Variants in CKAP2L observed in about 807,000 individuals in gnomAD.
CKAP2L encodes the protein cytoskeleton associated protein 2L.
In CKAP2L, 42 loss-of-function variants were observed where a neutral mutation model predicts 65.7. The observed-to-expected ratio is 0.64, with a 90% CI of 0.50 to 0.83. The LOEUF is 0.83. Among genes scored for constraint, CKAP2L ranks in the 40% least tolerant of loss-of-function variants. CKAP2L has a pLI of 0.00. For missense variants in CKAP2L, 908 were observed against 871.0 expected, an observed-to-expected ratio of 1.04 and a Z score of -0.53; for synonymous variants, 325 against 313.5, an observed-to-expected ratio of 1.04 and a Z score of -0.39.
chr2:112,738,962 T>G lies in CKAP2L; in HGVS notation c.2099A>C (p.Tyr700Ser), dbSNP rs1679625110. ...SSRIERAVSR[Y>S]PEMLQEHDLV... ...ATCGTGTTCCTGCAGCATTTCTGGGTAGCGGGACACTGCTCGCTCAATCCT... is the reference window on the plus strand; with the variant it reads ...ATCGTGTTCCTGCAGCATTTCTGGGGAGCGGGACACTGCTCGCTCAATCCT... The change falls in exon 9 of 9, where the codon TAC (tyrosine) becomes TCC (serine). Residue 700 changes from tyrosine to serine, a missense_variant. Tyr to Ser is a moderately radical substitution (Grantham distance 144, BLOSUM62 -2). Transcript: ENST00000302450. The G allele has an allele frequency of 6.2e-7, 1 of 1,614,094 alleles. No homozygotes were observed.
At chr2:112,751,388 G>C (rs921140940) in intron 5 of CKAP2L, among the ~76,000 whole-genome samples, 1 of 152,168 alleles carries the variant, frequency 6.6e-6, no homozygotes, top group Non-Finnish European at 1.5e-5. Context: ...ATGAATGACT[G>C]GCAATGGTGG....
At chr2:112,754,205 G>GCC (rs968295733) in intron 4 of CKAP2L, among the ~76,000 whole-genome samples, 20 of 151,996 alleles carry the variant, frequency 1.3e-4, no homozygotes, top group Admixed American at 1.2e-3. Flanking sequence ...CACCCCTAAC[G>GCC]CCCCCCTCCT....
intron 3 of CKAP2L, 118 bp from the exon 4 acceptor site, chr2:112,757,332 G>A: frequency 1.6e-6 from 1 of 628,698 alleles, no homozygotes; most frequent in South Asian, 2.6e-5. Context: ...TTTCATCTAA[G>A]AAAGTTGAAT....
Position 112,738,758 on chromosome 2 carries a change from G to T in CKAP2L, c.*65C>A. The T allele has an allele frequency of 2.7e-6, 3 of 1,104,238 alleles. No homozygotes were observed. Among genetic ancestry groups the T allele is most frequent in the Non-Finnish European group, 4.1e-6 (3 of 734,288 alleles). The allele number at this position is 1,104,238 out of a possible 1,614,324, so 68.4% of individuals were successfully genotyped here. On this transcript the variant is annotated 3_prime_UTR_variant, in exon 9 of 9. Coordinates refer to ENST00000302450, the MANE Select transcript of CKAP2L (RefSeq NM_152515.5). Reference sequence around the variant, plus strand: ...GCCTCTCTTTTTTTCCAGGTCACTTGGACAAGAATATTTCTTGTCTTATGT... The same window carrying T: ...GCCTCTCTTTTTTTCCAGGTCACTTTGACAAGAATATTTCTTGTCTTATGT...
At chr2:112,751,142 T>C (rs2104875401) in intron 5 of CKAP2L, among the ~76,000 whole-genome samples, 1 of 152,320 alleles carries the variant, frequency 6.6e-6, no homozygotes, top group African/African-American at 2.4e-5. Context: ...CAAGTTTTTA[T>C]CAAACCTTCA....
At chr2:112,751,974 T>G (rs560500310) in intron 5 of CKAP2L, among the ~76,000 whole-genome samples, 2 of 152,340 alleles carry the variant, frequency 1.3e-5, no homozygotes, top group Non-Finnish European at 2.9e-5. Context: ...TGGAGCCAGT[T>G]TGTTTGGATT....
rs201346406 is a variant in CKAP2L at position 112,757,209 on chromosome 2, A to C, written c.162T>G (p.Ile54Met). The C allele has an allele frequency of 2.7e-4, 427 of 1,572,104 alleles. 2 individuals carry two copies. The Middle Eastern group carries it at 7.0e-3, about 26-fold the overall frequency. ...CQNQPPSKST[I>M]RPKNDVTNHV... ...GGTTGGTAACATCATTTTTGGGTCT[A>C]ATAGTCTGAAAAAACAAAGAAAATA... Residue 54 changes from isoleucine (I) to methionine (M), a missense_variant, in exon 4 of 9, where the codon ATT (isoleucine) becomes ATG (methionine). Physicochemically the swap from Ile to Met is conservative, Grantham distance 10. Coordinates refer to ENST00000302450, the MANE Select transcript of CKAP2L (RefSeq NM_152515.5).
intron 7 of CKAP2L, 26 bp downstream of exon 7, chr2:112,742,680 G>C (rs765968456): frequency 7.0e-7 from 1 of 1,429,936 alleles, no homozygotes; most frequent in East Asian, 2.3e-5. Flanking sequence ...TAGAGAAGAT[G>C]AATTTAAATT....
In CKAP2L at chr2:112,762,412, C is replaced by T; in HGVS notation, c.104+91G>A. On this transcript the variant is annotated intron_variant, in intron 2 of 8. Transcript: ENST00000302450. ...AATCCCAGTGCAGTCTGAGTAGACT[C>T]TAAGCAAAAGGGACATTTTTCAAAA... 5.2e-6 allele frequency: 5 copies of T among 968,082 alleles called. No homozygotes were observed. The South Asian group carries it at 5.3e-5, about 10-fold the overall frequency. The allele number at this position is 968,082 out of a possible 1,614,324, so 60.0% of individuals were successfully genotyped here. A position where few individuals can be genotyped will look rare whatever the true frequency, so the allele number is the denominator to read the frequency against.
At chr2:112,751,075 A>G (rs927240147) in intron 5 of CKAP2L, among the ~76,000 whole-genome samples, 1 of 152,220 alleles carries the variant, frequency 6.6e-6, no homozygotes, top group Admixed American at 6.5e-5. Flanking sequence ...TAACAAATTG[A>G]GAGGATATAT....
In CKAP2L at chr2:112,746,585, A is replaced by C; in HGVS notation, c.1603-10T>G. On this transcript the variant is annotated splice_polypyrimidine_tract_variant and intron_variant, in intron 5 of 8. Transcript: ENST00000302450. ...CATTAGAAGGTACACCCTGAAATAA[A>C]CCAAAATATCCAGAGGTAATTATTA... 6.3e-7 allele frequency: 1 copy of C among 1,594,312 alleles called. No homozygotes were observed. Among genetic ancestry groups the C allele is most frequent in the Non-Finnish European group, 8.6e-7 (1 of 1,164,544 alleles).
Position 112,764,374 on chromosome 2 carries a change from T to TC in CKAP2L, c.37+187dup, listed in dbSNP as rs1312654223. The stretch of plus-strand genomic sequence containing the variant: ...GAGGTATCTGGGCCTGCGCACAGCC[T>TC]CCCCCGCCCAGGACCCAGACGTCTA... On this transcript the variant is annotated intron_variant, in intron 1 of 8. Transcript: ENST00000302450. 1.3e-5 allele frequency among the ~76,000 whole-genome samples: 2 copies of TC among 152,084 alleles called. 1 individual carries two copies. Among genetic ancestry groups the TC allele is most frequent in the Non-Finnish European group, 2.9e-5 (2 of 67,996 alleles).
chr2:112,742,057 C>T (rs112032191), intron 7 of CKAP2L, among the ~76,000 whole-genome samples: 2,105 of 150,762 alleles, frequency 0.014, 46 homozygotes, highest in African/African-American at 0.049. Context: ...CCCAAAGTGC[C>T]GGGATTACAG....
intron 5 of CKAP2L, among the ~76,000 whole-genome samples, chr2:112,748,296 G>A (rs1680263777): frequency 6.6e-6 from 1 of 152,004 alleles, no homozygotes. Context: ...GGGAAGAAAA[G>A]GATTACCTAT....
chr2:112,745,439 G>A (rs147564690), intron 6 of CKAP2L, among the ~76,000 whole-genome samples: 340 of 151,544 alleles, frequency 2.2e-3, no homozygotes, highest in African/African-American at 7.9e-3. Flanking sequence ...GAGTGCAGTG[G>A]CCCGATCTCG....
rs972815494 is a variant in CKAP2L, at chr2:112,757,210, A to C, written c.161T>G (p.Ile54Ser). 6.4e-7 allele frequency: 1 copy of C among 1,572,106 alleles called. No homozygotes were observed. Among genetic ancestry groups the C allele is most frequent in the Non-Finnish European group, 8.6e-7 (1 of 1,161,246 alleles). Reference protein sequence around the residue: ...CQNQPPSKSTIRPKNDVTNHV... With the variant: ...CQNQPPSKSTSRPKNDVTNHV... ...GTTGGTAACATCATTTTTGGGTCTA[A>C]TAGTCTGAAAAAACAAAGAAAATAC... Residue 54 changes from isoleucine (I) to serine (S), a missense_variant, in exon 4 of 9, where the codon ATT (isoleucine) becomes AGT (serine). Physicochemically the swap from Ile to Ser is moderately radical, Grantham distance 142. Transcript: ENST00000302450.
Position 112,752,841 on chromosome 2 carries a change from G to T in CKAP2L, c.1395-367C>A, listed in dbSNP as rs940926083. Among the ~76,000 whole-genome samples, 10 of 151,960 alleles carry T rather than the reference G, an allele frequency of 6.6e-5. No individual in the cohort carries two copies. In the East Asian group the frequency reaches 1.7e-3, roughly 26 times the overall value. ...TAACTCAGCAATTCATTTCTCTCAC[G>T]CATAAGCTGTCACTCAACCCAAACC... On this transcript the variant is annotated intron_variant, in intron 4 of 8. Coordinates refer to ENST00000302450, the MANE Select transcript of CKAP2L (RefSeq NM_152515.5).
rs1295894865 is a variant in CKAP2L at position 112,756,195 on chromosome 2, G to C, written c.1176C>G (p.Ser392Arg). 1 of 1,614,138 alleles carries C rather than the reference G, an allele frequency of 6.2e-7. No individual in the cohort carries two copies. The highest frequency in any genetic ancestry group is 1.7e-5 in the Admixed American group (1 of 60,018). ...TTCCATTTGGTCTTATGCTAGGGGT[G>C]CTTGGAATGGCTGAATTAAATCTGC... is the stretch of plus-strand genomic sequence containing the variant. ...TVGRFNSAIP[S>R]TPSIRPNGTS... The change falls in exon 4 of 9, where the codon AGC becomes AGG. Residue 392 changes from serine to arginine, a missense_variant. By Grantham distance (110) the Ser-to-Arg change is moderately radical. Transcript: ENST00000302450.
chr2:112,762,952 T>A (rs555372767), intron 1 of CKAP2L, among the ~76,000 whole-genome samples: 3 of 152,148 alleles, frequency 2.0e-5, no homozygotes, highest in Admixed American at 6.5e-5. Context: ...CTGGATAATT[T>A]TAAAAAAATT....
Sources: allele counts gnomAD v4.1 joint callset (sites outside exome capture counted in the v4.1 genomes callset), GRCh38; gene constraint gnomAD v4.1.1; transcripts MANE v1.5; gene names NCBI Gene and HGNC (gene_info 2026-07-23, HGNC 2026-07-21).